The following HCN1 variants were observed in gnomAD, a reference collection of about 807,000 sequenced individuals.
HCN1 encodes the protein hyperpolarization activated cyclic nucleotide gated potassium channel 1.
A neutral mutation model predicts 78.9 loss-of-function variants in HCN1; 13 were observed. The observed-to-expected ratio is 0.16, with a 90% CI of 0.11 to 0.26. The LOEUF (loss-of-function observed/expected upper bound fraction) is 0.26. Among genes scored for constraint, HCN1 ranks in the 10% least tolerant of loss-of-function variants. The probability of loss-of-function intolerance (pLI) is 1.00; values close to 1 mark genes in which losing one functional copy is unlikely to be tolerated. For synonymous variants in HCN1, 552 were observed against 455.5 expected, an observed-to-expected ratio of 1.21 and a Z score of -2.70; for missense variants, 810 against 1,154.3, an observed-to-expected ratio of 0.70 and a Z score of 4.32.
chr5:45,349,106 T>G (rs1746825141), intron 5 of HCN1, among the ~76,000 whole-genome samples: 2 of 152,134 alleles, frequency 1.3e-5, no homozygotes. Context: ...CTTCCAAAAT[T>G]GACCACATAC....
At chr5:45,289,133 T>TATC (rs1378360081) in intron 6 of HCN1, among the ~76,000 whole-genome samples, 3 of 152,098 alleles carry the variant, frequency 2.0e-5, no homozygotes, top group Non-Finnish European at 4.4e-5. Context: ...AAAAGCCCAT[T>TATC]ATCTTTCCTA....
intron 4 of HCN1, among the ~76,000 whole-genome samples, chr5:45,390,450 A>G: frequency 6.6e-6 from 1 of 152,206 alleles, no homozygotes; most frequent in East Asian, 1.9e-4. Flanking sequence ...AATGGAAAAT[A>G]CAGCTCTACT....
At chr5:45,324,716 A>G (rs1194282340) in intron 5 of HCN1, among the ~76,000 whole-genome samples, 1 of 151,808 alleles carries the variant, frequency 6.6e-6, no homozygotes, top group Non-Finnish European at 1.5e-5. Flanking sequence ...AGAAGAATAA[A>G]TCAATATCTG....
chr5:45,438,747 T>C (rs1035913381), intron 3 of HCN1, among the ~76,000 whole-genome samples: 1 of 152,188 alleles, frequency 6.6e-6, no homozygotes, highest in Admixed American at 6.5e-5. Flanking sequence ...ATCAGTTATG[T>C]ATACTTTGGA....
At chr5:45,281,526 C>A (rs1432430530) in intron 6 of HCN1, among the ~76,000 whole-genome samples, 1 of 139,942 alleles carries the variant, frequency 7.1e-6, no homozygotes, top group Non-Finnish European at 1.5e-5. Context: ...TATGTGCAGA[C>A]AAAAAAGTAT....
intron 3 of HCN1, among the ~76,000 whole-genome samples, chr5:45,449,665 G>A (rs779465446): frequency 3.3e-4 from 49 of 149,828 alleles, no homozygotes; most frequent in Non-Finnish European, 5.9e-4. Context: ...AGATTTCCAT[G>A]TAGTGTGTAC....
intron 2 of HCN1, among the ~76,000 whole-genome samples, chr5:45,610,332 CAAT>C (rs2111977257): frequency 6.6e-6 from 1 of 151,874 alleles, no homozygotes; most frequent in Admixed American, 6.6e-5. Context: ...GTCTGCATAA[CAAT>C]AAATACAACT....
At chr5:45,288,666 T>C (rs1001103294) in intron 6 of HCN1, among the ~76,000 whole-genome samples, 31 of 151,996 alleles carry the variant, frequency 2.0e-4, no homozygotes, top group Admixed American at 9.2e-4. Flanking sequence ...TAATTTGCAA[T>C]ATTATAGAAA....
intron 2 of HCN1, among the ~76,000 whole-genome samples, chr5:45,504,423 A>G (rs1051293814): frequency 2.6e-5 from 4 of 152,188 alleles, no homozygotes; most frequent in Non-Finnish European, 4.4e-5. Context: ...TACAAAGGAC[A>G]TGAACTCATC....
intron 2 of HCN1, among the ~76,000 whole-genome samples, chr5:45,591,545 T>C (rs770924689): frequency 8.5e-5 from 13 of 152,224 alleles, no homozygotes; most frequent in Non-Finnish European, 1.6e-4. Context: ...CTTTTTCATA[T>C]GCTTATTTGC....
chr5:45,468,691 A>G (rs1007877292), intron 2 of HCN1, among the ~76,000 whole-genome samples: 2 of 152,074 alleles, frequency 1.3e-5, no homozygotes, highest in African/African-American at 4.8e-5. Flanking sequence ...GAATAATCAG[A>G]GATAATGTAT....
chr5:45,592,283 A>G (rs1056068497), intron 2 of HCN1, among the ~76,000 whole-genome samples: 10 of 151,954 alleles, frequency 6.6e-5, no homozygotes, highest in Non-Finnish European at 1.3e-4. Flanking sequence ...CGGAGTTCAT[A>G]ATGAAAATAA....
intron 5 of HCN1, among the ~76,000 whole-genome samples, chr5:45,327,115 G>A (rs1238882778): frequency 2.0e-5 from 3 of 151,548 alleles, no homozygotes; most frequent in Non-Finnish European, 4.4e-5. Flanking sequence ...ATTTTTGTAA[G>A]GTCCAGCACA....
rs562194578 is a variant in HCN1, at chr5:45,405,826, A to G, written c.1012-9116T>C. Among the ~76,000 whole-genome samples the G allele has an allele frequency of 1.6e-4, 25 of 152,332 alleles. No homozygotes were observed. The South Asian group carries it at 3.7e-3, about 23-fold the overall frequency. ...TAACAGTAAAATATAGAAGTATTGC[A>G]TAACTAAATTGCTGTTGCCATGAAG... On this transcript the variant is annotated intron_variant, in intron 3 of 7. Coordinates refer to ENST00000303230, the MANE Select transcript of HCN1 (RefSeq NM_021072.4).
chr5:45,506,833 G>C (rs1182833646), intron 2 of HCN1, among the ~76,000 whole-genome samples: 1 of 151,952 alleles, frequency 6.6e-6, no homozygotes, highest in Non-Finnish European at 1.5e-5. Context: ...AGCTCACTGA[G>C]AATAGGAAAT....
intron 2 of HCN1, among the ~76,000 whole-genome samples, chr5:45,625,773 T>A (rs1323868141): frequency 6.6e-6 from 1 of 151,714 alleles, no homozygotes; most frequent in African/African-American, 2.4e-5. Context: ...TGGCATAGGG[T>A]ACTTAGTAAA....
chr5:45,340,481 A>T (rs1027097879), intron 5 of HCN1, among the ~76,000 whole-genome samples: 1 of 152,016 alleles, frequency 6.6e-6, no homozygotes, highest in South Asian at 2.1e-4. Flanking sequence ...TTTGATATTT[A>T]TTCCTGATAC....
At chr5:45,372,383 A>G (rs1282169314) in intron 4 of HCN1, among the ~76,000 whole-genome samples, 1 of 114,504 alleles carries the variant, frequency 8.7e-6, no homozygotes, top group Non-Finnish European at 1.6e-5. Flanking sequence ...TATATTATAT[A>G]AATATGTAAA....
intron 3 of HCN1, among the ~76,000 whole-genome samples, chr5:45,437,023 C>T (rs1579893914): frequency 6.6e-6 from 1 of 152,156 alleles, no homozygotes; most frequent in African/African-American, 2.4e-5. Flanking sequence ...CAAAACATCC[C>T]TACTATAAAC....
Sources: allele counts gnomAD v4.1 joint callset (sites outside exome capture counted in the v4.1 genomes callset), GRCh38; gene constraint gnomAD v4.1.1; transcripts MANE v1.5; gene names NCBI Gene and HGNC (gene_info 2026-07-23, HGNC 2026-07-21).